KCNJ3: variants seen among roughly 807,000 people sequenced by gnomAD.
KCNJ3 encodes the protein potassium inwardly rectifying channel subfamily J member 3.
A neutral mutation model predicts 39.2 loss-of-function variants in KCNJ3; 4 were observed. That is an observed-to-expected ratio of 0.10 (90% CI 0.05 to 0.23). KCNJ3 has a LOEUF of 0.23. Among genes scored for constraint, KCNJ3 ranks in the 10% least tolerant of loss-of-function variants. KCNJ3 has a pLI of 1.00. For synonymous variants in KCNJ3, 230 were observed against 237.4 expected, an observed-to-expected ratio of 0.97 and a Z score of 0.29; for missense variants, 276 against 634.9, an observed-to-expected ratio of 0.43 and a Z score of 6.08.
chr2:154,744,437 T>C (rs1181957228), intron 2 of KCNJ3, among the ~76,000 whole-genome samples: 1 of 151,822 alleles, frequency 6.6e-6, no homozygotes, highest in Non-Finnish European at 1.5e-5. Flanking sequence ...ATAAAACATT[T>C]CACTCAAAAG....
At chr2:154,771,726 C>A (rs1480475368) in intron 2 of KCNJ3, among the ~76,000 whole-genome samples, 1 of 152,108 alleles carries the variant, frequency 6.6e-6, no homozygotes, top group African/African-American at 2.4e-5. Flanking sequence ...AGGGACAGTT[C>A]AATCCTGTTC....
At chr2:154,824,989 G>A (rs1341730812) in intron 2 of KCNJ3, among the ~76,000 whole-genome samples, 1 of 152,092 alleles carries the variant, frequency 6.6e-6, no homozygotes, top group Non-Finnish European at 1.5e-5. Context: ...TGCGCAATCC[G>A]TTTTGAGTAT....
At chr2:154,815,045 G>A (rs528034585) in intron 2 of KCNJ3, among the ~76,000 whole-genome samples, 3 of 152,166 alleles carry the variant, frequency 2.0e-5, no homozygotes, top group African/African-American at 4.8e-5. Context: ...GTGTGTATAC[G>A]GTATGCTGAA....
intron 2 of KCNJ3, among the ~76,000 whole-genome samples, chr2:154,725,844 A>T (rs761155624): frequency 1.3e-5 from 2 of 152,134 alleles, no homozygotes; most frequent in African/African-American, 2.4e-5. Context: ...AACAAAAACA[A>T]AACATAAATT....
At chr2:154,845,690 GC>G (rs1393689126) in intron 2 of KCNJ3, among the ~76,000 whole-genome samples, 1 of 152,070 alleles carries the variant, frequency 6.6e-6, no homozygotes, top group Admixed American at 6.6e-5. Flanking sequence ...GTGAATTTAG[GC>G]CAGGTACAGT....
chr2:154,714,335 G>A (rs367672200), intron 2 of KCNJ3, among the ~76,000 whole-genome samples: 2 of 150,062 alleles, frequency 1.3e-5, no homozygotes, highest in Admixed American at 6.6e-5. Context: ...CATTTTCCCC[G>A]CTTTCTCTCT....
rs923538908 is a variant in KCNJ3, at chr2:154,855,336, T to C, written c.*23T>C. 3.4e-6 allele frequency: 5 copies of C among 1,468,254 alleles called. No individual in the cohort carries two copies. The highest frequency in any genetic ancestry group is 1.4e-5 in the African/African-American group (1 of 70,368). 91.0% of individuals were successfully genotyped at this position (1,468,254 alleles called of 1,614,324 possible). Reference sequence around the variant, plus strand: ...TAACAAAGCACTCCCTTAGGCATTATTTAATGTTTGATTTAGTAATAGTCC... The same window carrying C: ...TAACAAAGCACTCCCTTAGGCATTACTTAATGTTTGATTTAGTAATAGTCC... On this transcript the variant is annotated 3_prime_UTR_variant, in exon 3 of 3. Transcript: ENST00000295101.
Position 154,854,833 on chromosome 2 carries a change from C to T in KCNJ3, c.1026C>T (p.Tyr342=). 6.2e-7 allele frequency: 1 copy of T among 1,613,836 alleles called. No individual in the cohort carries two copies. The highest frequency in any genetic ancestry group is 8.5e-7 in the Non-Finnish European group (1 of 1,179,862). The change falls in exon 3 of 3, where the codon TAC becomes TAT. Residue 342 remains tyrosine, a synonymous_variant. Coordinates refer to ENST00000295101, the MANE Select transcript of KCNJ3 (RefSeq NM_002239.4). ...SLEEGFFKVD[Y]SQFHATFEVP... ...AAGAGGGATTCTTTAAAGTTGATTA[C>T]TCCCAGTTCCATGCAACATTTGAAG... is the stretch of plus-strand genomic sequence containing the variant.
chr2:154,777,864 A>G (rs1409812676), intron 2 of KCNJ3, among the ~76,000 whole-genome samples: 2 of 152,204 alleles, frequency 1.3e-5, no homozygotes, highest in Non-Finnish European at 2.9e-5. Flanking sequence ...GATTGGCTTT[A>G]TGGTAGCCAT....
chr2:154,741,204 A>G (rs1685649049), intron 2 of KCNJ3, among the ~76,000 whole-genome samples: 2 of 152,088 alleles, frequency 1.3e-5, no homozygotes, highest in South Asian at 4.1e-4. Flanking sequence ...TGATTGTAAG[A>G]AAGATTAAGT....
At chr2:154,711,080 A>G (rs1685095549) in intron 2 of KCNJ3, among the ~76,000 whole-genome samples, 1 of 152,144 alleles carries the variant, frequency 6.6e-6, no homozygotes, top group Admixed American at 6.6e-5. Flanking sequence ...AGGGCAGTGA[A>G]AAAAGATTTA....
intron 2 of KCNJ3, among the ~76,000 whole-genome samples, chr2:154,752,673 T>G (rs775455256): frequency 1.3e-5 from 2 of 152,032 alleles, no homozygotes; most frequent in Non-Finnish European, 2.9e-5. Context: ...TATTTACAAT[T>G]TGTAAGATTC....
chr2:154,737,976 T>C (rs1043204478), intron 2 of KCNJ3, among the ~76,000 whole-genome samples: 2 of 152,230 alleles, frequency 1.3e-5, no homozygotes, highest in African/African-American at 2.4e-5. Flanking sequence ...ATGATTAAAT[T>C]CGTTAAAATT....
At chr2:154,787,938 A>G (rs1686563113) in intron 2 of KCNJ3, among the ~76,000 whole-genome samples, 1 of 152,326 alleles carries the variant, frequency 6.6e-6, no homozygotes, top group South Asian at 2.1e-4. Context: ...GATCCAACAT[A>G]TATTTGTGTT....
intron 2 of KCNJ3, among the ~76,000 whole-genome samples, chr2:154,802,363 A>G (rs1348623511): frequency 6.6e-6 from 1 of 151,978 alleles, no homozygotes; most frequent in Admixed American, 6.6e-5. Context: ...CTTAATCAGT[A>G]TTATCGTTTC....
intron 2 of KCNJ3, among the ~76,000 whole-genome samples, chr2:154,761,116 G>A (rs1686035746): frequency 6.9e-6 from 1 of 144,114 alleles, no homozygotes; most frequent in Non-Finnish European, 1.5e-5. Flanking sequence ...GCCCAGTCTA[G>A]CCTTTTACTT....
intron 2 of KCNJ3, among the ~76,000 whole-genome samples, chr2:154,774,072 C>T (rs1686288902): frequency 6.6e-6 from 1 of 152,116 alleles, no homozygotes; most frequent in South Asian, 2.1e-4. Context: ...TATTGCTCTC[C>T]TATTTTATTA....
At chr2:154,796,307 A>G (rs1307394049) in intron 2 of KCNJ3, among the ~76,000 whole-genome samples, 1 of 152,120 alleles carries the variant, frequency 6.6e-6, no homozygotes, top group Non-Finnish European at 1.5e-5. Flanking sequence ...GATTCTGTGG[A>G]TTTCTGTGGA....
chr2:154,813,434 C>A (rs1687033826), intron 2 of KCNJ3, among the ~76,000 whole-genome samples: 1 of 152,128 alleles, frequency 6.6e-6, no homozygotes, highest in African/African-American at 2.4e-5. Flanking sequence ...CCTTTCCATC[C>A]TCTGGTTCTT....
Sources: allele counts gnomAD v4.1 joint callset (sites outside exome capture counted in the v4.1 genomes callset), GRCh38; gene constraint gnomAD v4.1.1; transcripts MANE v1.5; gene names NCBI Gene and HGNC (gene_info 2026-07-23, HGNC 2026-07-21).